Variants in GABRA1 observed in about 807,000 individuals in gnomAD.
GABRA1 encodes gamma-aminobutyric acid receptor subunit alpha-1.
Under a neutral mutation model 48.9 loss-of-function variants are expected in GABRA1, and 9 were observed. That is an observed-to-expected ratio of 0.18 (90% CI 0.11 to 0.32). The LOEUF (loss-of-function observed/expected upper bound fraction) is 0.32. GABRA1 is among the 10% of genes least tolerant of loss of function. The pLI is 1.00. For missense variants in GABRA1, 285 were observed against 553.8 expected (o/e 0.51, Z 4.87); for synonymous variants, 210 against 198.7 (o/e 1.06, Z -0.48).
In GABRA1 at chr5:161,853,287, A is replaced by G. The variant is rs1581177548; in HGVS notation, c.75-871A>G. 3.3e-5 allele frequency among the ~76,000 whole-genome samples: 5 copies of G among 151,990 alleles called. No homozygotes were observed. In the South Asian group the frequency reaches 1.0e-3, roughly 32 times the overall value. On this transcript the variant is annotated intron_variant, in intron 2 of 9. Transcript: ENST00000393943. ...CGAAACACAAAGACTAATAATGGTA[A>G]GGGACACAGGCTACATCTCCAACTA...
intron 3 of GABRA1, among the ~76,000 whole-genome samples, chr5:161,863,272 T>C (rs1757930135): frequency 6.6e-6 from 1 of 151,942 alleles, no homozygotes; most frequent in South Asian, 2.1e-4. Flanking sequence ...TATTCTTGAA[T>C]TGCTATAGAG....
intron 3 of GABRA1, among the ~76,000 whole-genome samples, chr5:161,863,209 G>T (rs1757927822): frequency 6.6e-6 from 1 of 151,776 alleles, no homozygotes; most frequent in Admixed American, 6.6e-5. Context: ...TGAGGATGTG[G>T]TTTGAGGAAA....
intron 3 of GABRA1, among the ~76,000 whole-genome samples, chr5:161,862,390 C>T (rs1757897265): frequency 6.6e-6 from 1 of 151,776 alleles, no homozygotes. Context: ...TCCTTTGCCT[C>T]CTTCTTTTTT....
chr5:161,865,815 T>C (rs755070969), intron 4 of GABRA1, 27 bp downstream of exon 4: 3 of 1,590,364 alleles, frequency 1.9e-6, no homozygotes, highest in African/African-American at 1.3e-5. Context: ...TCTTTGCTTT[T>C]CTTGAAGAAT....
rs201165002 is a variant in GABRA1 at position 161,893,021 on chromosome 5, T to A, written c.856+1971T>A. ...CTCCTTCTCAAAAAAATAATAATAA[T>A]AATAATAATAATAATAATAATAATA... is the stretch of plus-strand genomic sequence containing the variant. On this transcript the variant is annotated intron_variant, in intron 8 of 9. Transcript: ENST00000393943. 1.2e-3 allele frequency among the ~76,000 whole-genome samples: 108 copies of A among 86,440 alleles called. 5 individuals carry two copies. The highest frequency in any genetic ancestry group is 5.4e-3 in the African/African-American group (82 of 15,230). 56.7% of individuals were successfully genotyped at this position (86,440 alleles called of 152,430 possible).
chr5:161,882,177 C>A, intron 6 of GABRA1: 1 of 288,792 alleles, frequency 3.5e-6, no homozygotes, highest in Admixed American at 4.8e-5. Context: ...TCCTTTTACT[C>A]GGTTGTGTAT....
chr5:161,894,615 A>G (rs1040653086), intron 8 of GABRA1, among the ~76,000 whole-genome samples: 5 of 152,304 alleles, frequency 3.3e-5, no homozygotes, highest in South Asian at 4.1e-4. Flanking sequence ...AATTATTTCT[A>G]CAATATGTAG....
Position 161,898,676 on chromosome 5 carries a change from C to T in GABRA1, c.*1254C>T, listed in dbSNP as rs1220304131. 6.6e-6 allele frequency: 1 copy of T among 152,440 alleles called. No individual in the cohort carries two copies. Among genetic ancestry groups the T allele is most frequent in the East Asian group, 1.9e-4 (1 of 5,188 alleles). 9.4% of individuals were successfully genotyped at this position (152,440 alleles called of 1,614,324 possible). Reference sequence around the variant, plus strand: ...GTCTAGTATACAGTGATCAGTTGCTCTCTGTTCAAGTCATTCCACACATTT... The same window carrying T: ...GTCTAGTATACAGTGATCAGTTGCTTTCTGTTCAAGTCATTCCACACATTT... On this transcript the variant is annotated 3_prime_UTR_variant, in exon 10 of 10. Coordinates refer to ENST00000393943, the MANE Select transcript of GABRA1 (RefSeq NM_001127644.2).
intron 3 of GABRA1, among the ~76,000 whole-genome samples, chr5:161,862,144 C>T (rs148733881): frequency 5.3e-5 from 8 of 151,976 alleles, no homozygotes; most frequent in African/African-American, 1.7e-4. Flanking sequence ...CACACAGCAT[C>T]AGCTATCTTC....
chr5:161,893,009 A>AATAATAATAAT lies in GABRA1; in HGVS notation c.856+1960_856+1961insTAATAATAATA, dbSNP rs3078111. Among the ~76,000 whole-genome samples, 663 of 122,420 alleles carry AATAATAATAAT rather than the reference A, an allele frequency of 5.4e-3. 10 individuals are homozygous for AATAATAATAAT. The highest frequency in any genetic ancestry group is 6.7e-3 in the South Asian group (23 of 3,436). 80.3% of individuals were successfully genotyped at this position (122,420 alleles called of 152,430 possible). ...AACAGAGCGAGACTCCTTCTCAAAA[A>AATAATAATAAT]AATAATAATAATAATAATAATAATA... On this transcript the variant is annotated intron_variant, in intron 8 of 9. Transcript: ENST00000393943.
intron 3 of GABRA1, 85 bp downstream of exon 3, chr5:161,854,355 AT>A (rs2113307823): frequency 1.3e-6 from 1 of 779,048 alleles, no homozygotes; most frequent in Admixed American, 1.8e-5. Context: ...AAATGGTCAA[AT>A]AATAAAAATG....
intron 6 of GABRA1, among the ~76,000 whole-genome samples, chr5:161,877,124 G>T (rs1754391127): frequency 6.6e-6 from 1 of 152,040 alleles, no homozygotes; most frequent in African/African-American, 2.4e-5. Context: ...TTGTATGGTT[G>T]TGGTATAGAC....
At chr5:161,895,987 TC>T in intron 9 of GABRA1, 119 bp downstream of exon 9, 1 of 868,830 alleles carries the variant, frequency 1.2e-6, no homozygotes, top group African/African-American at 1.7e-5. Flanking sequence ...ATTCTTTTTT[TC>T]TTATGTCGTA....
At chr5:161,853,203 G>T (rs2113302915) in intron 2 of GABRA1, among the ~76,000 whole-genome samples, 1 of 152,036 alleles carries the variant, frequency 6.6e-6, no homozygotes, top group Admixed American at 6.6e-5. Context: ...AAGGAGCATA[G>T]ATAGCAATGT....
intron 6 of GABRA1, among the ~76,000 whole-genome samples, chr5:161,879,922 A>C (rs889473687): frequency 1.6e-4 from 24 of 152,216 alleles, no homozygotes; most frequent in African/African-American, 5.5e-4. Context: ...GATAGGGTGC[A>C]GACACTTTTG....
chr5:161,890,561 G>A (rs780081273), intron 7 of GABRA1, among the ~76,000 whole-genome samples: 1 of 152,026 alleles, frequency 6.6e-6, no homozygotes, highest in Non-Finnish European at 1.5e-5. Flanking sequence ...ATGTCACAGG[G>A]TTTAGCATAT....
chr5:161,889,907 T>TA (rs369544185), intron 7 of GABRA1, among the ~76,000 whole-genome samples: 393 of 150,854 alleles, frequency 2.6e-3, no homozygotes, highest in African/African-American at 3.7e-3. Context: ...TATTTTAAGT[T>TA]AAAAAAAAAG....
At chr5:161,889,885 T>C (rs1561584204) in intron 7 of GABRA1, among the ~76,000 whole-genome samples, 3 of 151,716 alleles carry the variant, frequency 2.0e-5, no homozygotes. Flanking sequence ...TGCTAATCAG[T>C]CTCCATTAAG....
intron 1 of GABRA1, chr5:161,849,063 A>T (rs771918949): frequency 2.3e-6 from 1 of 436,468 alleles, no homozygotes; most frequent in East Asian, 8.1e-5. Flanking sequence ...TGTCTGGGGG[A>T]GGGGGAGGTT....
Sources: gnomAD v4.1 joint callset for allele counts (sites outside exome capture counted in the v4.1 genomes callset) on GRCh38, gnomAD v4.1.1 for gene constraint, MANE v1.5 for transcripts, NCBI Gene and HGNC (gene_info 2026-07-23, HGNC 2026-07-21) for gene names.